SYT2: variants seen among roughly 807,000 people sequenced by gnomAD.
The protein encoded by SYT2 is synaptotagmin 2.
In SYT2, 15 loss-of-function variants were observed where a neutral mutation model predicts 39.9. The observed-to-expected ratio is 0.38, with a 90% CI of 0.25 to 0.58. SYT2 has a LOEUF of 0.58. Ranked by LOEUF, SYT2 falls within the 20% of genes least tolerant of loss-of-function variation. The probability of loss-of-function intolerance (pLI) is 0.70; values close to 1 mark genes in which losing one functional copy is unlikely to be tolerated. For synonymous variants in SYT2, 181 were observed against 204.5 expected (o/e 0.89, Z 0.98); for missense variants, 389 against 530.3 (o/e 0.73, Z 2.62).
intron 1 of SYT2, among the ~76,000 whole-genome samples, chr1:202,669,293 G>A (rs1320864325): frequency 1.3e-5 from 2 of 152,120 alleles, no homozygotes; most frequent in East Asian, 3.9e-4. Flanking sequence ...GCTGAGGCAG[G>A]AGGATCACTT....
At chr1:202,663,635 A>G (rs1386988316) in intron 1 of SYT2, among the ~76,000 whole-genome samples, 1 of 152,168 alleles carries the variant, frequency 6.6e-6, no homozygotes, top group Non-Finnish European at 1.5e-5. Flanking sequence ...TTCAATATAT[A>G]AGAATATTCT....
At chr1:202,617,356 A>T (rs1691073710) in intron 1 of SYT2, among the ~76,000 whole-genome samples, 1 of 152,036 alleles carries the variant, frequency 6.6e-6, no homozygotes, top group Non-Finnish European at 1.5e-5. Flanking sequence ...GTCATTTAAA[A>T]GTGTGTAGCA....
At chr1:202,636,217 T>A (rs1691736668) in intron 1 of SYT2, among the ~76,000 whole-genome samples, 1 of 152,076 alleles carries the variant, frequency 6.6e-6, no homozygotes, top group African/African-American at 2.4e-5. Flanking sequence ...CCATCCTTTT[T>A]CCAGGTGAAA....
chr1:202,605,037 T>G (rs1690655599), intron 2 of SYT2: 1 of 177,492 alleles, frequency 5.6e-6, no homozygotes, highest in Non-Finnish European at 1.2e-5. Context: ...AGAGGGCTGA[T>G]GCATAGCCAG....
At chr1:202,653,041 C>T (rs930906480) in intron 1 of SYT2, among the ~76,000 whole-genome samples, 1 of 151,448 alleles carries the variant, frequency 6.6e-6, no homozygotes, top group African/African-American at 2.4e-5. Context: ...GAAAGAATGC[C>T]CCTCCCTGAT....
chr1:202,691,573 C>T (rs979655354), intron 1 of SYT2, among the ~76,000 whole-genome samples: 1 of 151,342 alleles, frequency 6.6e-6, no homozygotes, highest in African/African-American at 2.4e-5. Flanking sequence ...TCACTTGAGC[C>T]CAGGAGGTCG....
intron 1 of SYT2, among the ~76,000 whole-genome samples, chr1:202,617,716 A>G (rs74456470): frequency 0.17 from 25,828 of 151,806 alleles, 2,374 homozygotes; most frequent in Non-Finnish European, 0.21. Context: ...CTGCTTTCCC[A>G]GCTCTCCATT....
Position 202,596,302 on chromosome 1 carries a change from C to CAT in SYT2, c.*454_*455insAT, listed in dbSNP as rs1553333858. On this transcript the variant is annotated 3_prime_UTR_variant, in exon 9 of 9. Transcript: ENST00000367268. ...ACACACACACACACACACACACACA[C>CAT]ACACATACACACACACACACACACA... 768 of 45,592 alleles carry CAT rather than the reference C, an allele frequency of 0.017. 3 individuals are homozygous for CAT. The highest frequency in any genetic ancestry group is 0.02 in the Non-Finnish European group (436 of 21,402). The allele number at this position is 45,592 out of a possible 1,614,324, so 2.8% of individuals were successfully genotyped here.
At chr1:202,624,885 C>G in intron 1 of SYT2, among the ~76,000 whole-genome samples, 1 of 24,862 alleles carries the variant, frequency 4.0e-5, no homozygotes, top group East Asian at 1.6e-3. Context: ...TGATGTGTGC[C>G]TGTGTGGTAT....
chr1:202,623,098 G>C lies in SYT2; in HGVS notation c.-17-17309C>G, dbSNP rs1374097211. ...ACTCTTGTAGGGTGCAGGGATAGTAGCAGTGGTGAGGGGGCAGAGGGATGC... is the reference window on the plus strand; with the variant it reads ...ACTCTTGTAGGGTGCAGGGATAGTACCAGTGGTGAGGGGGCAGAGGGATGC... On this transcript the variant is annotated intron_variant, in intron 1 of 8. Transcript: ENST00000367268. The surrounding 1 kb of genome is among the most constrained non-coding windows in gnomAD (Gnocchi z 4.2). 6.6e-6 allele frequency among the ~76,000 whole-genome samples: 1 copy of C among 152,182 alleles called. No individual in the cohort carries two copies. Among genetic ancestry groups the C allele is most frequent in the Non-Finnish European group, 1.5e-5 (1 of 68,026 alleles).
intron 1 of SYT2, among the ~76,000 whole-genome samples, chr1:202,651,462 G>A (rs10920440): frequency 0.49 from 73,768 of 151,772 alleles, 18,700 homozygotes; most frequent in East Asian, 0.8. Context: ...GTGGGCCTGG[G>A]GTTCAGAAAG....
intron 1 of SYT2, among the ~76,000 whole-genome samples, chr1:202,698,494 A>G (rs1392662083): frequency 6.6e-6 from 1 of 152,250 alleles, no homozygotes; most frequent in African/African-American, 2.4e-5. Flanking sequence ...TCTCAGTGCC[A>G]GAGCCACAAA....
At chr1:202,597,042 A>G in intron 8 of SYT2, 79 bp from the exon 9 acceptor site, 1 of 1,281,004 alleles carries the variant, frequency 7.8e-7, no homozygotes, top group African/African-American at 1.5e-5. Flanking sequence ...ATCAACCTCT[A>G]CTCCCAATGA....
At chr1:202,679,743 T>C (rs1653478356) in intron 1 of SYT2, among the ~76,000 whole-genome samples, 1 of 152,168 alleles carries the variant, frequency 6.6e-6, no homozygotes, top group Non-Finnish European at 1.5e-5. Context: ...ATGTCCCTGC[T>C]TAATATCCTT....
chr1:202,692,781 T>G (rs978074293), intron 1 of SYT2, among the ~76,000 whole-genome samples: 1 of 152,120 alleles, frequency 6.6e-6, no homozygotes, highest in African/African-American at 2.4e-5. Flanking sequence ...AAGTTAGGGC[T>G]GGGGGCAGTG....
rs528482353 is a variant in SYT2 at position 202,668,553 on chromosome 1, C to G, written c.-18+41705G>C. 5.2e-4 allele frequency among the ~76,000 whole-genome samples: 79 copies of G among 152,296 alleles called. 1 individual carries two copies. In the South Asian group the frequency reaches 0.016, roughly 32 times the overall value. ...GAAATCCTTTATTTGGGGAAGAGAACATAATGACAACATTCATTTATCAAG... is the reference window on the plus strand; with the variant it reads ...GAAATCCTTTATTTGGGGAAGAGAAGATAATGACAACATTCATTTATCAAG... On this transcript the variant is annotated intron_variant, in intron 1 of 8. Transcript: ENST00000367268.
At chr1:202,612,045 T>A (rs1245062729) in intron 1 of SYT2, among the ~76,000 whole-genome samples, 1 of 152,190 alleles carries the variant, frequency 6.6e-6, no homozygotes, top group Non-Finnish European at 1.5e-5. Flanking sequence ...GAAATTAGGT[T>A]CCACTATGTT....
intron 1 of SYT2, among the ~76,000 whole-genome samples, chr1:202,624,762 GT>G (rs1691318727): frequency 2.8e-4 from 3 of 10,768 alleles, no homozygotes; most frequent in East Asian, 2.4e-3. Context: ...TGTGGTGTGT[GT>G]GTGGTGTGTG....
intron 1 of SYT2, among the ~76,000 whole-genome samples, chr1:202,678,273 CAAAAAAAAA>C (rs773123862): frequency 2.9e-4 from 9 of 30,728 alleles, no homozygotes; most frequent in East Asian, 1.8e-3. Context: ...GACTCTGTCT[CAAAAAAAAA>C]AAAAAAAAAA....
Sources: gnomAD v4.1 joint callset for allele counts (sites outside exome capture counted in the v4.1 genomes callset) on GRCh38, gnomAD v4.1.1 for gene constraint, Gnocchi (gnomAD v3.1) non-coding constraint, MANE v1.5 for transcripts, NCBI Gene and HGNC (gene_info 2026-07-23, HGNC 2026-07-21) for gene names.